JAML: variants seen among roughly 807,000 people sequenced by gnomAD.
The protein encoded by JAML is junctional adhesion molecule-like.
In JAML, 25 loss-of-function variants were observed where a neutral mutation model predicts 39.3. The ratio of observed to expected loss-of-function variants is 0.64; its 90% confidence interval spans 0.46 to 0.89. The LOEUF (loss-of-function observed/expected upper bound fraction) is 0.89, where lower values mean the gene tolerates loss of function less well. JAML is among the 40% of genes least tolerant of loss of function. The probability of loss-of-function intolerance (pLI) is 0.00; values close to 1 mark genes in which losing one functional copy is unlikely to be tolerated. For synonymous variants in JAML, 162 were observed against 179.2 expected, an observed-to-expected ratio of 0.90 and a Z score of 0.77; for missense variants, 440 against 486.9, an observed-to-expected ratio of 0.90 and a Z score of 0.91.
chr11:118,203,185 T>C, intron 6 of JAML: 3 of 651,584 alleles, frequency 4.6e-6, no homozygotes, highest in Non-Finnish European at 8.5e-6. Context: ...TGGTATTCAC[T>C]AAATTAGCTC....
intron 1 of JAML, among the ~76,000 whole-genome samples, chr11:118,217,907 C>T (rs1043629795): frequency 6.6e-6 from 1 of 152,348 alleles, no homozygotes; most frequent in African/African-American, 2.4e-5. Context: ...TAGAGCAAAG[C>T]TTTTCTGAAG....
chr11:118,218,917 A>T (rs1172075033), intron 1 of JAML, among the ~76,000 whole-genome samples: 1 of 152,222 alleles, frequency 6.6e-6, no homozygotes, highest in East Asian at 1.9e-4. Context: ...ATACTGATTT[A>T]TCTCCTCAGC....
intron 1 of JAML, among the ~76,000 whole-genome samples, chr11:118,215,281 G>C (rs1949124843): frequency 6.6e-6 from 1 of 152,104 alleles, no homozygotes; most frequent in Non-Finnish European, 1.5e-5. Context: ...TCCACTACCT[G>C]TATGTTTCAC....
Position 118,210,692 on chromosome 11 carries a change from A to G in JAML, c.219T>C (p.Tyr73=). 2 of 1,614,162 alleles carry G rather than the reference A, an allele frequency of 1.2e-6. No individual in the cohort carries two copies. The highest frequency in any genetic ancestry group is 1.7e-6 in the Non-Finnish European group (2 of 1,180,002). ...CAATAGGCACACTGAGATTGGAGTA[A>G]TAGTATAGCACATATTCGTCCTGAA... is the stretch of plus-strand genomic sequence containing the variant. ...EHAKDEYVLY[Y]YSNLSVPIGR... is the part of the protein sequence containing the mutation. The change falls in exon 4 of 10, where the codon TAT becomes TAC. Residue 73 remains tyrosine (Y), a synonymous_variant. Coordinates refer to ENST00000356289, the MANE Select transcript of JAML (RefSeq NM_001098526.2).
chr11:118,202,854 T>A, intron 6 of JAML: 1 of 425,472 alleles, frequency 2.4e-6, no homozygotes, highest in South Asian at 1.7e-5. Flanking sequence ...CTTTAACCCC[T>A]CACTTATCAA....
intron 9 of JAML, among the ~76,000 whole-genome samples, chr11:118,195,524 C>A (rs555933080): frequency 4.6e-5 from 7 of 152,292 alleles, no homozygotes; most frequent in Admixed American, 1.3e-4. Context: ...CGCCAGCTCA[C>A]TCCTTTTGTC....
rs925787565 is a variant in JAML at position 118,205,661 on chromosome 11, C to T, written c.534+221G>A. 1.1e-4 allele frequency: 61 copies of T among 537,672 alleles called. No homozygotes were observed. The South Asian group carries it at 1.2e-3, about 10-fold the overall frequency. 33.3% of individuals were successfully genotyped at this position (537,672 alleles called of 1,614,324 possible). ...ATGCTTTACATGTACAATCTCATAT[C>T]GGCATCCAAAAAGTTAAGCATCATC... On this transcript the variant is annotated intron_variant, in intron 5 of 9. Coordinates refer to ENST00000356289, the MANE Select transcript of JAML (RefSeq NM_001098526.2).
chr11:118,220,173 A>G lies in JAML; in HGVS notation c.-21+4768T>C, dbSNP rs1949195397. Among the ~76,000 whole-genome samples the G allele has an allele frequency of 3.3e-5, 5 of 152,292 alleles. No homozygotes were observed. In the South Asian group the frequency reaches 1.0e-3, roughly 32 times the overall value. On this transcript the variant is annotated intron_variant, in intron 1 of 9. Coordinates refer to ENST00000356289, the MANE Select transcript of JAML (RefSeq NM_001098526.2). ...AAGACAGGCAAACCTCCTGCTCTGG[A>G]TGTTCCCAAACTAGGTGAGCTCAAG...
chr11:118,207,058 C>A (rs1384086446), intron 4 of JAML, among the ~76,000 whole-genome samples: 2 of 152,108 alleles, frequency 1.3e-5, no homozygotes, highest in African/African-American at 2.4e-5. Flanking sequence ...AGGAGAAATG[C>A]ACAATAGGAG....
intron 1 of JAML, among the ~76,000 whole-genome samples, chr11:118,215,607 A>G (rs1192606581): frequency 6.6e-6 from 1 of 151,920 alleles, no homozygotes; most frequent in East Asian, 1.9e-4. Context: ...TCAGCCTCTC[A>G]AAGTGTTGGG....
At chr11:118,206,403 A>C (rs535224316) in intron 4 of JAML, among the ~76,000 whole-genome samples, 56 of 152,300 alleles carry the variant, frequency 3.7e-4, no homozygotes, top group African/African-American at 1.3e-3. Context: ...GGAAAATCTC[A>C]AAGTCCCTAC....
chr11:118,199,147 C>A (rs973476481), intron 7 of JAML, among the ~76,000 whole-genome samples: 1 of 152,256 alleles, frequency 6.6e-6, no homozygotes, highest in East Asian at 1.9e-4. Context: ...GGCAATTATC[C>A]CTATTTTTAA....
chr11:118,220,956 T>C (rs2134679595), intron 1 of JAML, among the ~76,000 whole-genome samples: 1 of 152,228 alleles, frequency 6.6e-6, no homozygotes, highest in South Asian at 2.1e-4. Flanking sequence ...GAATTCCAAA[T>C]CACAGCAAAA....
intron 6 of JAML, chr11:118,202,185 T>C (rs1206773470): frequency 6.6e-6 from 1 of 152,218 alleles, no homozygotes; most frequent in Non-Finnish European, 1.5e-5. Context: ...TTTGGCTATG[T>C]TGAGAAAGAA....
At chr11:118,194,674 GGTCT>G (rs369097945) in intron 9 of JAML, among the ~76,000 whole-genome samples, 1 of 152,158 alleles carries the variant, frequency 6.6e-6, no homozygotes, top group African/African-American at 2.4e-5. Context: ...TTTGGACCCA[GGTCT>G]GTCTAACTCC....
Position 118,200,478 on chromosome 11 carries a change from T to C in JAML, c.907A>G (p.Lys303Glu), listed in dbSNP as rs776971079. The change falls in exon 7 of 10, where the codon AAG becomes GAG. Residue 303 changes from lysine to glutamate, a missense_variant. Lys to Glu is a moderately conservative substitution (Grantham distance 56). Transcript: ENST00000356289. Reference protein sequence around the residue: ...ILIVKKTCGNKSSVNSTVLVK... With the variant: ...ILIVKKTCGNESSVNSTVLVK... ...GGGGTGGGGGTAGCCCTGTACCTCT[T>C]ATTTCCACAGGTCTTCTTCACGATC... 5.6e-6 allele frequency: 9 copies of C among 1,613,936 alleles called. No homozygotes were observed. The African/African-American group carries it at 1.1e-4, about 19-fold the overall frequency.
intron 8 of JAML, 102 bp downstream of exon 8, chr11:118,197,896 C>A: frequency 9.2e-7 from 1 of 1,089,202 alleles, no homozygotes. Flanking sequence ...AAGCACTGGC[C>A]TGCAAGCTGC....
chr11:118,204,168 G>A, intron 5 of JAML: 1 of 172,792 alleles, frequency 5.8e-6, no homozygotes, highest in Non-Finnish European at 1.3e-5. Flanking sequence ...GAATCCCTCA[G>A]CAAATCCTAT....
chr11:118,205,607 T>A, intron 5 of JAML: 1 of 381,832 alleles, frequency 2.6e-6, no homozygotes, highest in Non-Finnish European at 4.9e-6. Flanking sequence ...AGAAGGAAAC[T>A]AAAATGCAGG....
Sources: gnomAD v4.1 joint callset for allele counts (sites outside exome capture counted in the v4.1 genomes callset) on GRCh38, gnomAD v4.1.1 for gene constraint, MANE v1.5 for transcripts, NCBI Gene and HGNC (gene_info 2026-07-23, HGNC 2026-07-21) for gene names.